CSMD3: variants seen among roughly 807,000 people sequenced by gnomAD.
CSMD3 encodes the protein CUB and Sushi multiple domains 3, also known as CUB and sushi domain-containing protein 3.
A neutral mutation model predicts 435.2 loss-of-function variants in CSMD3; 177 were observed. The observed-to-expected ratio is 0.41, with a 90% confidence interval of 0.36 to 0.46. The LOEUF is 0.46. Among genes scored for constraint, CSMD3 ranks in the 20% least tolerant of loss-of-function variants. The pLI is 0.34. For missense variants in CSMD3, 4,265 were observed against 4,504.6 expected, an observed-to-expected ratio of 0.95 and a Z score of 1.52; for synonymous variants, 1,656 against 1,520.5, an observed-to-expected ratio of 1.09 and a Z score of -2.07.
At chr8:113,207,256 T>C (rs1348102378) in intron 3 of CSMD3, among the ~76,000 whole-genome samples, 2 of 152,148 alleles carry the variant, frequency 1.3e-5, no homozygotes, top group Non-Finnish European at 2.9e-5. Flanking sequence ...TTTTTCTTAT[T>C]CATATTTTTA....
chr8:112,472,672 T>C lies in CSMD3; in HGVS notation c.5314A>G (p.Thr1772Ala). 1 of 1,611,938 alleles carries C rather than the reference T, an allele frequency of 6.2e-7. No individual in the cohort carries two copies. The highest frequency in any genetic ancestry group is 8.5e-7 in the Non-Finnish European group (1 of 1,178,244). The part of the protein sequence containing the change: ...CGSRSTGSEG[T>A]VLSPNYPKNY... Reference sequence around the variant, plus strand: ...TTTGGATAGTTTGGTGATAGAACAGTGCCTTCTGAACCTGTTGAACGACTT... The same window carrying C: ...TTTGGATAGTTTGGTGATAGAACAGCGCCTTCTGAACCTGTTGAACGACTT... Residue 1772 changes from threonine (T) to alanine (A), a missense_variant, in exon 32 of 71, where the codon ACT becomes GCT. By Grantham distance (58) the Thr-to-Ala change is moderately conservative. Coordinates refer to ENST00000297405, the MANE Select transcript of CSMD3 (RefSeq NM_198123.2).
intron 53 of CSMD3, among the ~76,000 whole-genome samples, chr8:112,298,655 C>T (rs986012467): frequency 1.3e-5 from 2 of 152,094 alleles, no homozygotes; most frequent in African/African-American, 4.8e-5. Flanking sequence ...AGTCAATATA[C>T]TTTACCACTT....
chr8:113,199,722 G>A (rs964831098), intron 3 of CSMD3, among the ~76,000 whole-genome samples: 4 of 151,458 alleles, frequency 2.6e-5, no homozygotes, highest in African/African-American at 7.3e-5. Flanking sequence ...TTTTATGTGA[G>A]GTGAATGATT....
chr8:112,899,563 C>A (rs1440494794), intron 10 of CSMD3, among the ~76,000 whole-genome samples: 2 of 128,474 alleles, frequency 1.6e-5, no homozygotes, highest in African/African-American at 5.7e-5. Context: ...GGTTAGGTAT[C>A]TATACCAACC....
At chr8:113,398,860 T>C (rs2094495753) in intron 1 of CSMD3, among the ~76,000 whole-genome samples, 1 of 151,628 alleles carries the variant, frequency 6.6e-6, no homozygotes. Context: ...AAATTTAAGC[T>C]TGGAAGCCAT....
chr8:113,371,414 A>G (rs1317240226), intron 1 of CSMD3, among the ~76,000 whole-genome samples: 1 of 152,168 alleles, frequency 6.6e-6, no homozygotes, highest in Non-Finnish European at 1.5e-5. Context: ...CAGTACCTGT[A>G]CATATGGCAG....
At chr8:112,294,810 A>G (rs1820106527) in intron 54 of CSMD3, among the ~76,000 whole-genome samples, 1 of 152,160 alleles carries the variant, frequency 6.6e-6, no homozygotes, top group Non-Finnish European at 1.5e-5. Flanking sequence ...ATATTTCTAA[A>G]ATTACATATA....
chr8:112,815,043 A>T (rs1014646130), intron 12 of CSMD3, among the ~76,000 whole-genome samples: 1 of 152,060 alleles, frequency 6.6e-6, no homozygotes, highest in Non-Finnish European at 1.5e-5. Flanking sequence ...GTATATGTTT[A>T]TTTGAAGTAC....
At chr8:113,219,505 T>C (rs1380859675) in intron 3 of CSMD3, among the ~76,000 whole-genome samples, 2 of 151,492 alleles carry the variant, frequency 1.3e-5, no homozygotes, top group African/African-American at 2.4e-5. Flanking sequence ...TACCCAAGTA[T>C]ATAAAAGATC....
At chr8:112,369,730 C>T (rs56327729) in intron 38 of CSMD3, among the ~76,000 whole-genome samples, 1 of 151,318 alleles carries the variant, frequency 6.6e-6, no homozygotes, top group African/African-American at 2.4e-5. Flanking sequence ...GGTGCAAGGG[C>T]AGGGAGAGCA....
intron 10 of CSMD3, among the ~76,000 whole-genome samples, chr8:112,903,151 C>CAAAAAAAAAAAAAA (rs763330055): frequency 1.7e-3 from 90 of 53,714 alleles, no homozygotes; most frequent in East Asian, 4.5e-3. Context: ...GCAGTCTTGG[C>CAAAAAAAAAAAAAA]AAAAAAAAAA....
intron 13 of CSMD3, among the ~76,000 whole-genome samples, chr8:112,795,035 A>T (rs73702219): frequency 0.012 from 1,789 of 152,250 alleles, 39 homozygotes; most frequent in African/African-American, 0.041. Flanking sequence ...AAACGTCCAG[A>T]TAGTTTTATG....
At chr8:112,606,375 G>A (rs1306202812) in intron 22 of CSMD3, among the ~76,000 whole-genome samples, 1 of 152,122 alleles carries the variant, frequency 6.6e-6, no homozygotes, top group Non-Finnish European at 1.5e-5. Flanking sequence ...CAGTAACTGG[G>A]AGAGGCTGGA....
intron 10 of CSMD3, among the ~76,000 whole-genome samples, chr8:112,900,946 C>G (rs2082095420): frequency 6.6e-6 from 1 of 151,150 alleles, no homozygotes; most frequent in Admixed American, 6.6e-5. Flanking sequence ...CATTAATTCT[C>G]CTTAAGATAG....
At chr8:113,310,367 A>C (rs1001338082) in intron 2 of CSMD3, 2 of 151,988 alleles carry the variant, frequency 1.3e-5, no homozygotes, top group African/African-American at 4.8e-5. Flanking sequence ...AATATATATC[A>C]TATAAAAATT....
At chr8:112,528,084 A>C (rs560519689) in intron 27 of CSMD3, among the ~76,000 whole-genome samples, 3 of 152,286 alleles carry the variant, frequency 2.0e-5, no homozygotes, top group South Asian at 4.1e-4. Context: ...TATGGTCCTC[A>C]TGTACATTAA....
intron 4 of CSMD3, among the ~76,000 whole-genome samples, chr8:113,101,162 C>A (rs2131557093): frequency 6.6e-6 from 1 of 152,232 alleles, no homozygotes; most frequent in Admixed American, 6.5e-5. Context: ...CAGAGGTGTC[C>A]CCATCAGTTC....
chr8:112,814,807 A>G (rs2079328063), intron 12 of CSMD3, among the ~76,000 whole-genome samples: 1 of 151,522 alleles, frequency 6.6e-6, no homozygotes. Flanking sequence ...TTTTTTTTTC[A>G]TTATACCAAG....
In CSMD3 at chr8:112,886,949, G is replaced by A. The variant is rs148846522; in HGVS notation, c.1634-27683C>T. On this transcript the variant is annotated intron_variant, in intron 10 of 70. Coordinates refer to ENST00000297405, the MANE Select transcript of CSMD3 (RefSeq NM_198123.2). ...CCTGAAAATTTTTGATCCATGGTTGGTTGAACTTGCGGATTTGGAGGGCTG... is the reference window on the plus strand; with the variant it reads ...CCTGAAAATTTTTGATCCATGGTTGATTGAACTTGCGGATTTGGAGGGCTG... Among the ~76,000 whole-genome samples the A allele has an allele frequency of 1.6e-3, 245 of 151,098 alleles. 1 individual carries two copies. Among genetic ancestry groups the A allele is most frequent in the African/African-American group, 5.8e-3 (240 of 41,248 alleles).
Sources: allele counts gnomAD v4.1 joint callset (sites outside exome capture counted in the v4.1 genomes callset), GRCh38; gene constraint gnomAD v4.1.1; transcripts MANE v1.5; gene names NCBI Gene and HGNC (gene_info 2026-07-23, HGNC 2026-07-21).